The following RAD18 variants were observed in gnomAD, a reference collection of about 807,000 sequenced individuals.
RAD18 encodes RAD18 E3 ubiquitin protein ligase.
In RAD18, 47 loss-of-function variants were observed where a neutral mutation model predicts 60.4. That is an observed-to-expected ratio of 0.78 (90% CI 0.62 to 0.99). The LOEUF is 0.99. Among genes scored for constraint, RAD18 ranks in the 50% least tolerant of loss-of-function variants. The probability of loss-of-function intolerance (pLI) is 0.00; values close to 1 mark genes in which losing one functional copy is unlikely to be tolerated. For synonymous variants in RAD18, 225 were observed against 195.5 expected (o/e 1.15, Z -1.26); for missense variants, 640 against 593.3 (o/e 1.08, Z -0.82).
In RAD18 at chr3:8,898,951, G is replaced by T; in HGVS notation, c.1265C>A (p.Ser422Tyr). ...ELEPDREEDS[S>Y]SCIDIQEVLS... Reference sequence around the variant, plus strand: ...AACTTCTTGAATATCAATACAGCTAGAAGAATCCTCTTCTCTGTCAGGTTC... The same window carrying T: ...AACTTCTTGAATATCAATACAGCTATAAGAATCCTCTTCTCTGTCAGGTTC... The change falls in exon 11 of 13, where the codon TCT becomes TAT. Residue 422 changes from serine (S) to tyrosine (Y), a missense_variant. Coordinates refer to ENST00000264926, the MANE Select transcript of RAD18 (RefSeq NM_020165.4). The T allele has an allele frequency of 6.2e-7, 1 of 1,608,992 alleles. No homozygotes were observed. Among genetic ancestry groups the T allele is most frequent in the Non-Finnish European group, 8.5e-7 (1 of 1,176,744 alleles).
chr3:8,931,384 A>C (rs1940550553), intron 7 of RAD18: 1 of 152,238 alleles, frequency 6.6e-6, no homozygotes, highest in South Asian at 2.1e-4. Flanking sequence ...CCATACCACG[A>C]CTGTGCATTA....
At chr3:8,918,088 C>T (rs756828622) in intron 7 of RAD18, among the ~76,000 whole-genome samples, 1 of 151,986 alleles carries the variant, frequency 6.6e-6, no homozygotes, top group African/African-American at 2.4e-5. Flanking sequence ...GAGGCCGAGG[C>T]GAGTGGATCA....
chr3:8,885,390 A>G (rs1353269364), intron 12 of RAD18, among the ~76,000 whole-genome samples: 1 of 152,256 alleles, frequency 6.6e-6, no homozygotes, highest in East Asian at 1.9e-4. Context: ...GATGAAATGT[A>G]GACTATTAAT....
intron 11 of RAD18, among the ~76,000 whole-genome samples, chr3:8,895,247 G>T (rs1939764706): frequency 6.6e-6 from 1 of 152,102 alleles, no homozygotes; most frequent in Admixed American, 6.6e-5. Flanking sequence ...AGGTTTAGTA[G>T]AAAAAGATTT....
chr3:8,961,715 A>T (rs759878774), intron 1 of RAD18, among the ~76,000 whole-genome samples: 4 of 152,212 alleles, frequency 2.6e-5, no homozygotes, highest in African/African-American at 7.2e-5. Context: ...TTCCAATGTG[A>T]GCAAAAAAAT....
At chr3:8,901,279 G>T (rs1406812985) in intron 10 of RAD18, among the ~76,000 whole-genome samples, 1 of 152,064 alleles carries the variant, frequency 6.6e-6, no homozygotes, top group Admixed American at 6.6e-5. Context: ...TTCCTCAAAA[G>T]GTTCTAAACA....
intron 1 of RAD18, among the ~76,000 whole-genome samples, chr3:8,962,095 G>C (rs779841165): frequency 1.3e-5 from 2 of 152,208 alleles, no homozygotes; most frequent in Admixed American, 6.5e-5. Context: ...ACTGCAGTAA[G>C]CACAGTGAAT....
intron 4 of RAD18, among the ~76,000 whole-genome samples, chr3:8,946,417 C>G (rs1185856916): frequency 6.6e-6 from 1 of 152,352 alleles, no homozygotes; most frequent in South Asian, 2.1e-4. Flanking sequence ...TCTCAGAACA[C>G]ATCCCTGTTA....
At chr3:8,931,421 T>C (rs895789226) in intron 7 of RAD18, 1 of 152,234 alleles carries the variant, frequency 6.6e-6, no homozygotes, top group Non-Finnish European at 1.5e-5. Flanking sequence ...TAAGATATCA[T>C]TTCTAAGCTG....
intron 7 of RAD18, among the ~76,000 whole-genome samples, chr3:8,935,636 T>A (rs139469412): frequency 6.6e-6 from 1 of 152,114 alleles, no homozygotes; most frequent in African/African-American, 2.4e-5. Context: ...GATAGGCACA[T>A]GAGAAACTGG....
chr3:8,958,378 C>T (rs569511927), intron 2 of RAD18, among the ~76,000 whole-genome samples: 2 of 152,244 alleles, frequency 1.3e-5, no homozygotes, highest in South Asian at 2.1e-4. Context: ...TCTTAAGGTA[C>T]GATATTTTTA....
At position 8,878,642 on chromosome 3, in the gene RAD18, T is replaced by C. The variant is rs1465821162; in HGVS notation, c.*2715A>G. 6.6e-6 allele frequency: 1 copy of C among 152,192 alleles called. No homozygotes were observed. 9.4% of individuals were successfully genotyped at this position (152,192 alleles called of 1,614,324 possible). A position where few individuals can be genotyped will look rare whatever the true frequency, so the allele number is the denominator to read the frequency against. On this transcript the variant is annotated 3_prime_UTR_variant, in exon 13 of 13. Coordinates refer to ENST00000264926, the MANE Select transcript of RAD18 (RefSeq NM_020165.4). ...ATACCTCCCTCTATTATATACATGG[T>C]CTTATGTGTATGAATTCTTTTTTCA...
intron 7 of RAD18, chr3:8,931,420 A>T (rs1226263289): frequency 6.6e-6 from 1 of 152,234 alleles, no homozygotes; most frequent in East Asian, 1.9e-4. Flanking sequence ...TTAAGATATC[A>T]TTTCTAAGCT....
At chr3:8,949,370 C>G (rs1198565374) in intron 2 of RAD18, among the ~76,000 whole-genome samples, 2 of 152,118 alleles carry the variant, frequency 1.3e-5, no homozygotes, top group Non-Finnish European at 2.9e-5. Flanking sequence ...GAGGAGGAGA[C>G]AGCATAATTT....
intron 6 of RAD18, 41 bp downstream of exon 6, chr3:8,939,513 C>A: frequency 6.6e-7 from 1 of 1,520,618 alleles, no homozygotes; most frequent in Non-Finnish European, 9.1e-7. Flanking sequence ...ACAAGAGGCA[C>A]CCAGCTAAAG....
chr3:8,929,792 C>T (rs767837481), intron 7 of RAD18, among the ~76,000 whole-genome samples: 5 of 152,156 alleles, frequency 3.3e-5, no homozygotes, highest in Non-Finnish European at 5.9e-5. Flanking sequence ...CAGGCGCCTG[C>T]CACCACGCCC....
At chr3:8,961,245 C>G (rs1394747766) in intron 1 of RAD18, among the ~76,000 whole-genome samples, 1 of 152,196 alleles carries the variant, frequency 6.6e-6, no homozygotes, top group Non-Finnish European at 1.5e-5. Flanking sequence ...ACATGCGCCT[C>G]AACCAACTAA....
At chr3:8,927,653 A>T (rs1319451458) in intron 7 of RAD18, among the ~76,000 whole-genome samples, 1 of 152,234 alleles carries the variant, frequency 6.6e-6, no homozygotes, top group Non-Finnish European at 1.5e-5. Context: ...AAGACTAGGA[A>T]CCAACCCAAA....
At chr3:8,942,105 T>C (rs1464912295) in intron 4 of RAD18, among the ~76,000 whole-genome samples, 3 of 152,100 alleles carry the variant, frequency 2.0e-5, no homozygotes, top group Admixed American at 6.6e-5. Context: ...TATACTGATA[T>C]AGTCTGGATG....
Sources: allele counts gnomAD v4.1 joint callset (sites outside exome capture counted in the v4.1 genomes callset), GRCh38; gene constraint gnomAD v4.1.1; transcripts MANE v1.5; gene names NCBI Gene and HGNC (gene_info 2026-07-23, HGNC 2026-07-21).